The following ZNF81 variants were observed in gnomAD, a reference collection of about 807,000 sequenced individuals.
ZNF81 encodes zinc finger protein 81 (HFZ20).
A neutral mutation model predicts 32.3 loss-of-function variants in ZNF81; 5 were observed. That is an observed-to-expected ratio of 0.15 (90% CI 0.08 to 0.33). The LOEUF (loss-of-function observed/expected upper bound fraction) is 0.33. Ranked by LOEUF, ZNF81 falls within the 10% of genes least tolerant of loss-of-function variation. The probability of loss-of-function intolerance (pLI) is 1.00; values close to 1 mark genes in which losing one functional copy is unlikely to be tolerated. For synonymous variants in ZNF81, 163 were observed against 166.8 expected (o/e 0.98, Z 0.17); for missense variants, 379 against 479.8 (o/e 0.79, Z 1.96).
In ZNF81 at chrX:47,924,376, G is replaced by T. The variant is rs1219115903; in HGVS notation, c.*7744G>T. ...GCCATATGATTCTTTTTTTATTCTT[G>T]AAGTTAAGGATCTATGGAAGCATAT... is the stretch of plus-strand genomic sequence containing the variant. On this transcript the variant is annotated 3_prime_UTR_variant, in exon 5 of 5. Coordinates refer to ENST00000338637, the MANE Select transcript of ZNF81 (RefSeq NM_007137.5). Among the ~76,000 whole-genome samples, 1 of 111,448 alleles carries T rather than the reference G, an allele frequency of 9.0e-6. No individual in the cohort carries two copies. Among genetic ancestry groups the T allele is most frequent in the Admixed American group, 9.5e-5 (1 of 10,488 alleles).
intron 2 of ZNF81, among the ~76,000 whole-genome samples, chrX:47,867,619 G>T (rs1217181984): frequency 8.9e-6 from 1 of 112,120 alleles, no homozygotes; most frequent in Non-Finnish European, 1.9e-5. Flanking sequence ...AAATGTCAGT[G>T]CAACATTTGC....
chrX:47,841,292 C>T (rs1401172896), intron 1 of ZNF81: 1 of 642,544 alleles, frequency 1.6e-6, no homozygotes, highest in African/African-American at 2.2e-5. Context: ...CCCCAGGTCA[C>T]ATAAGGTTCC....
chrX:47,874,377 G>C (rs1254067880), intron 2 of ZNF81, among the ~76,000 whole-genome samples: 1 of 112,084 alleles, frequency 8.9e-6, no homozygotes, highest in East Asian at 2.8e-4. Flanking sequence ...TCCCTAACAT[G>C]CCTGTTCCAT....
intron 2 of ZNF81, among the ~76,000 whole-genome samples, chrX:47,876,448 A>C (rs1002076366): frequency 5.4e-5 from 6 of 112,096 alleles, no homozygotes; most frequent in African/African-American, 1.9e-4. Flanking sequence ...GGAAATGAAC[A>C]AGCCCAGGGA....
At chrX:47,912,752 G>A (rs946866538) in intron 4 of ZNF81, among the ~76,000 whole-genome samples, 1 of 109,825 alleles carries the variant, frequency 9.1e-6, no homozygotes, top group African/African-American at 3.3e-5. Context: ...GTAGAAGCGG[G>A]TGTGGAGAAA....
In ZNF81 at chrX:47,916,511, G is replaced by A; in HGVS notation, c.1865G>A (p.Arg622Lys). The A allele has an allele frequency of 8.3e-7, 1 of 1,209,589 alleles. No individual in the cohort carries two copies. The highest frequency in any genetic ancestry group is 1.8e-5 in the South Asian group (1 of 56,592). ...CAECGKAFTD[R>K]SNFNKHQTIH... ...GAATGTGGGAAAGCCTTCACTGATA[G>A]GTCAAATTTCAATAAACATCAGACA... The change falls in exon 5 of 5, where the codon AGG (arginine) becomes AAG (lysine). Residue 622 changes from arginine (R) to lysine (K), a missense_variant. Physicochemically the swap from Arg to Lys is conservative, Grantham distance 26 (BLOSUM62 2). This residue lies in a region of ZNF81 where 102 missense variants were observed against 173.2 expected (regional missense o/e 0.59). Transcript: ENST00000338637.
intron 4 of ZNF81, among the ~76,000 whole-genome samples, chrX:47,901,804 A>C (rs983795457): frequency 1.8e-5 from 2 of 110,423 alleles, no homozygotes; most frequent in Non-Finnish European, 1.9e-5. Flanking sequence ...TTTTGGTATC[A>C]TGTTAATTCT....
chrX:47,864,034 C>T (rs1341262460), intron 2 of ZNF81, among the ~76,000 whole-genome samples: 1 of 111,647 alleles, frequency 9.0e-6, no homozygotes, highest in Non-Finnish European at 1.9e-5. Flanking sequence ...AAAACATGTT[C>T]ATATGACCCT....
chrX:47,883,411 A>G (rs1314842449), intron 2 of ZNF81, among the ~76,000 whole-genome samples: 1 of 112,313 alleles, frequency 8.9e-6, no homozygotes, highest in Non-Finnish European at 1.9e-5. Flanking sequence ...GATAAGGTCC[A>G]GTTTTTGAAG....
rs137973229 is a variant in ZNF81, at chrX:47,866,004, A to C, written c.54+19683A>C. On this transcript the variant is annotated intron_variant, in intron 2 of 4. Coordinates refer to ENST00000338637, the MANE Select transcript of ZNF81 (RefSeq NM_007137.5). ...TACATCAGAGGGTAGAGGTGGTCAC[A>C]CTAAAGCCTAACCTACTCACTGGTG... Among the ~76,000 whole-genome samples, 26 of 112,396 alleles carry C rather than the reference A, an allele frequency of 2.3e-4. No homozygotes were observed. The East Asian group carries it at 4.2e-3, about 18-fold the overall frequency.
At chrX:47,838,596 G>A (rs1320148693) in intron 1 of ZNF81, among the ~76,000 whole-genome samples, 1 of 110,482 alleles carries the variant, frequency 9.1e-6, no homozygotes, top group Non-Finnish European at 1.9e-5. Context: ...TCAGTATGGA[G>A]GGTTATGCTG....
rs782782204 is a variant in ZNF81, at chrX:47,915,492, C to A, written c.846C>A (p.Ile282=). Residue 282 remains isoleucine, a synonymous_variant, in exon 5 of 5, where the codon ATC becomes ATA. Coordinates refer to ENST00000338637, the MANE Select transcript of ZNF81 (RefSeq NM_007137.5). ...KANTCTEFGK[I]FTQRSHFFAP... is the part of the protein sequence containing the mutation. ...ACACATGTACTGAATTTGGGAAGAT[C>A]TTCACCCAGAGGTCACATTTCTTTG... is the stretch of plus-strand genomic sequence containing the variant. 1 of 1,211,617 alleles carries A rather than the reference C, an allele frequency of 8.3e-7. No homozygotes were observed. Among genetic ancestry groups the A allele is most frequent in the Non-Finnish European group, 1.1e-6 (1 of 895,486 alleles).
At chrX:47,907,310 T>C (rs1370512581) in intron 4 of ZNF81, among the ~76,000 whole-genome samples, 2 of 93,007 alleles carry the variant, frequency 2.2e-5, no homozygotes, top group African/African-American at 7.9e-5. Flanking sequence ...TATGACCTTT[T>C]CTTTAGTCCC....
chrX:47,912,336 G>A (rs1379537043), intron 4 of ZNF81, among the ~76,000 whole-genome samples: 8 of 107,122 alleles, frequency 7.5e-5, no homozygotes, highest in Non-Finnish European at 1.3e-4. Context: ...GTATCAAACC[G>A]ACTAAAAGGG....
chrX:47,922,441 CA>C lies in ZNF81; in HGVS notation c.*5810del, dbSNP rs1235473566. Among the ~76,000 whole-genome samples, 2 of 112,101 alleles carry C rather than the reference CA, an allele frequency of 1.8e-5. No individual in the cohort carries two copies. The highest frequency in any genetic ancestry group is 3.8e-5 in the Non-Finnish European group (2 of 53,231). ...GTACAATAATGTATTAAACTATTTG[CA>C]TTGTTAAAATTTATTCACTCCCATT... On this transcript the variant is annotated 3_prime_UTR_variant, in exon 5 of 5. Coordinates refer to ENST00000338637, the MANE Select transcript of ZNF81 (RefSeq NM_007137.5).
At chrX:47,899,252 G>T (rs1159131814) in intron 4 of ZNF81, among the ~76,000 whole-genome samples, 3 of 104,043 alleles carry the variant, frequency 2.9e-5, no homozygotes, top group Admixed American at 1.1e-4. Context: ...CCTTTAACAG[G>T]CTGTGTAAGT....
At chrX:47,839,311 A>G (rs1411708728) in intron 1 of ZNF81, among the ~76,000 whole-genome samples, 1 of 111,900 alleles carries the variant, frequency 8.9e-6, no homozygotes, top group Non-Finnish European at 1.9e-5. Context: ...GTAACTATTC[A>G]GATTATCTAT....
intron 2 of ZNF81, among the ~76,000 whole-genome samples, chrX:47,850,936 A>AC (rs1569374249): frequency 2.2e-4 from 7 of 32,321 alleles, no homozygotes; most frequent in African/African-American, 5.3e-4. Context: ...CACACACACA[A>AC]CCCAACACCC....
intron 1 of ZNF81, among the ~76,000 whole-genome samples, chrX:47,843,467 T>TCACACACACA (rs1569371669): frequency 1.2e-3 from 59 of 49,589 alleles, no homozygotes; most frequent in African/African-American, 3.3e-3. Context: ...ACACACACAT[T>TCACACACACA]CTTGACTCCT....
Sources: gnomAD v4.1 joint callset for allele counts (sites outside exome capture counted in the v4.1 genomes callset) on GRCh38, gnomAD v4.1.1 for gene constraint, gnomAD v4.1.1 regional missense constraint, MANE v1.5 for transcripts, NCBI Gene and HGNC (gene_info 2026-07-23, HGNC 2026-07-21) for gene names.